ATP6V1G3: variants seen among roughly 807,000 people sequenced by gnomAD.
ATP6V1G3 encodes V-type proton ATPase subunit G 3.
ATP6V1G3 carries 9 observed loss-of-function variants against 9.3 expected under a neutral mutation model. That is an observed-to-expected ratio of 0.97 (90% CI 0.59 to 1.69). The LOEUF (loss-of-function observed/expected upper bound fraction) is 1.69, where lower values mean the gene tolerates loss of function less well. ATP6V1G3 is among the 40% of genes most tolerant of loss of function. ATP6V1G3 has a pLI of 0.00. For missense variants in ATP6V1G3, 133 were observed against 139.0 expected (o/e 0.96, Z 0.22); for synonymous variants, 43 against 43.8 (o/e 0.98, Z 0.07).
Position 198,523,547 on chromosome 1 carries a change from A to G in ATP6V1G3, c.201T>C (p.Asn67=). The G allele has an allele frequency of 6.2e-7, 1 of 1,612,480 alleles. No individual in the cohort carries two copies. The highest frequency in any genetic ancestry group is 8.5e-7 in the Non-Finnish European group (1 of 1,179,402). Residue 67 remains asparagine (N), a synonymous_variant, in exon 3 of 3, where the codon AAT becomes AAC. Coordinates refer to ENST00000367382, the MANE Select transcript of ATP6V1G3 (RefSeq NM_001376861.1). ...LKQSKIMGSQ[N]NLSDEIEEQT... is the part of the protein sequence containing the mutation. ...GTTCTTCTATTTCATCTGAGAGATTATTCTGAGAGCCCATTATCTACCAAA... is the reference window on the plus strand; with the variant it reads ...GTTCTTCTATTTCATCTGAGAGATTGTTCTGAGAGCCCATTATCTACCAAA...
intron 1 of ATP6V1G3, among the ~76,000 whole-genome samples, chr1:198,531,352 C>T (rs1172582500): frequency 6.6e-6 from 1 of 152,170 alleles, no homozygotes; most frequent in East Asian, 1.9e-4. Context: ...TCATATTAAC[C>T]TCTAACTTGC....
chr1:198,539,211 A>G (rs1406534125), intron 1 of ATP6V1G3, among the ~76,000 whole-genome samples: 2 of 152,196 alleles, frequency 1.3e-5, no homozygotes, highest in Admixed American at 1.3e-4. Context: ...AAATGATTTT[A>G]CCTGTGGTTG....
rs778698840 is a variant in ATP6V1G3, at chr1:198,523,384, T to A, written c.*7A>T. ...CCTTTTTTTTTCTTGAAAACTGTGA[T>A]GTACATTTAGTTGGTGGCTCTGTAG... is the stretch of plus-strand genomic sequence containing the variant. On this transcript the variant is annotated 3_prime_UTR_variant, in exon 3 of 3. Coordinates refer to ENST00000367382, the MANE Select transcript of ATP6V1G3 (RefSeq NM_001376861.1). 1 of 1,610,246 alleles carries A rather than the reference T, an allele frequency of 6.2e-7. No individual in the cohort carries two copies. The highest frequency in any genetic ancestry group is 1.1e-5 in the South Asian group (1 of 90,322).
intron 1 of ATP6V1G3, among the ~76,000 whole-genome samples, chr1:198,533,559 C>A (rs1349313373): frequency 6.6e-6 from 1 of 152,090 alleles, no homozygotes; most frequent in African/African-American, 2.4e-5. Flanking sequence ...GGGATGGAGT[C>A]AATACTGCAA....
At chr1:198,536,816 A>G in intron 1 of ATP6V1G3, 1 of 983,618 alleles carries the variant, frequency 1.0e-6, no homozygotes, top group Non-Finnish European at 1.5e-6. Flanking sequence ...ACAAAAATAC[A>G]TGACATATAT....
At chr1:198,529,938 C>T (rs993759721) in intron 1 of ATP6V1G3, among the ~76,000 whole-genome samples, 3 of 151,984 alleles carry the variant, frequency 2.0e-5, no homozygotes, top group Non-Finnish European at 2.9e-5. Flanking sequence ...AAGTTTTAGA[C>T]GAATACAATG....
rs138093215 is a variant in ATP6V1G3 at position 198,527,290 on chromosome 1, T to C, written c.183+1791A>G. On this transcript the variant is annotated intron_variant, in intron 2 of 2. Transcript: ENST00000367382. ...TAGCTGAGGCTTAAATATGCTGACC[T>C]TTCTATGTGAGCTTTTGATCAAATA... Among the ~76,000 whole-genome samples, 11 of 152,248 alleles carry C rather than the reference T, an allele frequency of 7.2e-5. No individual in the cohort carries two copies. In the East Asian group the frequency reaches 2.1e-3, roughly 29 times the overall value.
rs767409849 is a variant in ATP6V1G3 at position 198,529,141 on chromosome 1, C to T, written c.123G>A (p.Met41Ile). Reference protein sequence around the residue: ...KRLKQAKEEAMVEIDQYRMQR... With the variant: ...KRLKQAKEEAIVEIDQYRMQR... ...GCATTCTGTACTGGTCAATTTCTAC[C>T]ATTGCTTCCTCCTTGGCTTGCTTCA... is the stretch of plus-strand genomic sequence containing the variant. The change falls in exon 2 of 3, where the codon ATG becomes ATA. Residue 41 changes from methionine (M) to isoleucine (I), a missense_variant. By Grantham distance (10) the Met-to-Ile change is conservative (BLOSUM62 1). Coordinates refer to ENST00000367382, the MANE Select transcript of ATP6V1G3 (RefSeq NM_001376861.1). 6.9e-6 allele frequency: 10 copies of T among 1,458,334 alleles called. No individual in the cohort carries two copies. Among genetic ancestry groups the T allele is most frequent in the Admixed American group, 2.0e-5 (1 of 49,960 alleles). The allele number at this position is 1,458,334 out of a possible 1,614,324, so 90.3% of individuals were successfully genotyped here. A position where few individuals can be genotyped will look rare whatever the true frequency, so the allele number is the denominator to read the frequency against.
intron 1 of ATP6V1G3, 56 bp downstream of exon 1, chr1:198,540,513 C>T: frequency 6.4e-7 from 1 of 1,556,822 alleles, no homozygotes; most frequent in South Asian, 1.1e-5. Context: ...TATGCTTATC[C>T]CTGCATTCCA....
upstream of ATP6V1G3, chr1:198,540,753 C>T (rs1660315051): frequency 1.6e-6 from 2 of 1,233,582 alleles, no homozygotes; most frequent in East Asian, 4.7e-5. Context: ...GTGTCAACAG[C>T]AAGTTCCAAA....
At chr1:198,529,059 C>A in intron 2 of ATP6V1G3, 22 bp downstream of exon 2, 1 of 1,146,586 alleles carries the variant, frequency 8.7e-7, no homozygotes, top group South Asian at 1.3e-5. Flanking sequence ...GCATAAGAAA[C>A]AGTGCTGACT....
At chr1:198,533,977 GGAAT>G (rs1367257513) in intron 1 of ATP6V1G3, among the ~76,000 whole-genome samples, 1 of 152,152 alleles carries the variant, frequency 6.6e-6, no homozygotes, top group African/African-American at 2.4e-5. Context: ...AATAGAAAAT[GGAAT>G]GAAACATTGT....
chr1:198,523,901 A>C (rs1659550855), intron 2 of ATP6V1G3, among the ~76,000 whole-genome samples: 1 of 152,092 alleles, frequency 6.6e-6, no homozygotes, highest in South Asian at 2.1e-4. Flanking sequence ...GTTCCCATAT[A>C]TTCCCTATTG....
intron 2 of ATP6V1G3, among the ~76,000 whole-genome samples, chr1:198,527,579 G>T (rs1231086909): frequency 6.6e-6 from 1 of 152,092 alleles, no homozygotes; most frequent in African/African-American, 2.4e-5. Context: ...AAAGATGATT[G>T]TTTTCTCAGG....
At chr1:198,531,838 A>G (rs1488681644) in intron 1 of ATP6V1G3, among the ~76,000 whole-genome samples, 2 of 152,192 alleles carry the variant, frequency 1.3e-5, no homozygotes, top group Non-Finnish European at 2.9e-5. Flanking sequence ...ATAATCTACC[A>G]TAAAAAGTTA....
intron 1 of ATP6V1G3, among the ~76,000 whole-genome samples, chr1:198,532,876 G>C (rs936798886): frequency 6.6e-6 from 1 of 152,206 alleles, no homozygotes; most frequent in Non-Finnish European, 1.5e-5. Context: ...TGAATGTTAG[G>C]AGATGGTATT....
At chr1:198,524,641 A>C (rs536512955) in intron 2 of ATP6V1G3, among the ~76,000 whole-genome samples, 1 of 152,286 alleles carries the variant, frequency 6.6e-6, no homozygotes, top group Non-Finnish European at 1.5e-5. Flanking sequence ...ATTTGACCAA[A>C]ATATAATTTC....
intron 1 of ATP6V1G3, 152 bp downstream of exon 1, chr1:198,540,417 C>T (rs1660297655): frequency 1.4e-6 from 1 of 712,038 alleles, no homozygotes; most frequent in Non-Finnish European, 2.4e-6. Flanking sequence ...GAACATATGG[C>T]TGGGTAATTT....
At chr1:198,540,723 A>T, upstream of ATP6V1G3, 1 of 1,404,512 alleles carries the variant, frequency 7.1e-7, no homozygotes. Flanking sequence ...TTTAGAAATT[A>T]ACATATAACT....
Sources: gnomAD v4.1 joint callset for allele counts (sites outside exome capture counted in the v4.1 genomes callset) on GRCh38, gnomAD v4.1.1 for gene constraint, MANE v1.5 for transcripts, NCBI Gene and HGNC (gene_info 2026-07-23, HGNC 2026-07-21) for gene names.